The following IL7 variants were observed in gnomAD, a reference collection of about 807,000 sequenced individuals.
IL7 encodes interleukin 7.
Under a neutral mutation model 21.6 loss-of-function variants are expected in IL7, and 3 were observed. That is an observed-to-expected ratio of 0.14 (90% CI 0.06 to 0.36). IL7 has a LOEUF of 0.36. IL7 is among the 10% of genes least tolerant of loss of function. The pLI is 1.00. For synonymous variants in IL7, 62 were observed against 68.1 expected (o/e 0.91, Z 0.44); for missense variants, 175 against 200.2 (o/e 0.87, Z 0.76).
chr8:78,727,924 T>C (rs188893878), downstream of IL7, among the ~76,000 whole-genome samples: 365 of 151,994 alleles, frequency 2.4e-3, 2 homozygotes, highest in African/African-American at 8.2e-3. Flanking sequence ...TAATCCTATA[T>C]CCATAGGATA....
chr8:78,755,125 A>T (rs1335595183), intron 2 of IL7, among the ~76,000 whole-genome samples: 2 of 152,054 alleles, frequency 1.3e-5, no homozygotes, highest in African/African-American at 2.4e-5. Context: ...TATTTGCCAA[A>T]AATAAGTTGG....
intron 5 of IL7, among the ~76,000 whole-genome samples, chr8:78,734,044 A>T (rs986845011): frequency 6.6e-6 from 1 of 152,158 alleles, no homozygotes; most frequent in African/African-American, 2.4e-5. Context: ...AAGACTTAGG[A>T]TTCTCCAAAG....
chr8:78,712,135 T>C lies in IL7; in HGVS notation n.214+9213A>G, dbSNP rs1344069379. 1.8e-5 allele frequency: 22 copies of C among 1,221,424 alleles called. No homozygotes were observed. In the East Asian group the frequency reaches 1.2e-3, roughly 66 times the overall value. The allele number at this position is 1,221,424 out of a possible 1,614,324, so 75.7% of individuals were successfully genotyped here. On this transcript the variant is annotated intron_variant and non_coding_transcript_variant, in intron 3 of 4. Transcript: ENST00000523959. ...AGTATTTGTAACTCAGTTTGGTTAA[T>C]ATTTTTCAGATATTTCCTTAAAAGC...
At chr8:78,700,620 A>C (rs1586016125) in intron 3 of IL7, among the ~76,000 whole-genome samples, 1 of 152,128 alleles carries the variant, frequency 6.6e-6, no homozygotes. Context: ...GTTGTCTTCC[A>C]GGGTTTTTAT....
rs140046279 is a variant in IL7 at position 78,775,981 on chromosome 8, C to T, written c.147+22091G>A. Reference sequence around the variant, plus strand: ...CTTGGAGGATACTTTCCAAGGCCACCAGTGGATGCCTGAGACCATACATGG... The same window carrying T: ...CTTGGAGGATACTTTCCAAGGCCACTAGTGGATGCCTGAGACCATACATGG... On this transcript the variant is annotated intron_variant, in intron 2 of 5. Transcript: ENST00000263851. Among the ~76,000 whole-genome samples, 11 of 152,138 alleles carry T rather than the reference C, an allele frequency of 7.2e-5. No homozygotes were observed. In the East Asian group the frequency reaches 2.1e-3, roughly 29 times the overall value.
chr8:78,745,283 G>A (rs1165441799), intron 2 of IL7, among the ~76,000 whole-genome samples: 1 of 151,994 alleles, frequency 6.6e-6, no homozygotes, highest in Non-Finnish European at 1.5e-5. Context: ...ATCTTCTATT[G>A]AACTTTTTCT....
chr8:78,775,403 C>A (rs1019260349), intron 2 of IL7, among the ~76,000 whole-genome samples: 7 of 152,084 alleles, frequency 4.6e-5, no homozygotes, highest in Non-Finnish European at 7.4e-5. Flanking sequence ...GGCATTCATT[C>A]TTTGGTTCTC....
rs1811473948 is a variant in IL7, at chr8:78,733,387, T to C, written c.*326A>G. On this transcript the variant is annotated 3_prime_UTR_variant, in exon 6 of 6. Transcript: ENST00000263851. Reference sequence around the variant, plus strand: ...CATTATATACTTCATAGATTTAATGTCTTGAAATATTTAAACAGGTTTGAG... The same window carrying C: ...CATTATATACTTCATAGATTTAATGCCTTGAAATATTTAAACAGGTTTGAG... 1 of 201,592 alleles carries C rather than the reference T, an allele frequency of 5.0e-6. No homozygotes were observed. Among genetic ancestry groups the C allele is most frequent in the African/African-American group, 2.4e-5 (1 of 42,128 alleles). 12.5% of individuals were successfully genotyped at this position (201,592 alleles called of 1,614,324 possible).
chr8:78,700,951 C>T (rs1810582590), intron 3 of IL7, among the ~76,000 whole-genome samples: 1 of 152,126 alleles, frequency 6.6e-6, no homozygotes, highest in Non-Finnish European at 1.5e-5. Context: ...GTTCTTTTTG[C>T]TTAGAATTAC....
At chr8:78,709,117 C>T (rs1321497075) in intron 3 of IL7, among the ~76,000 whole-genome samples, 1 of 152,104 alleles carries the variant, frequency 6.6e-6, no homozygotes, top group East Asian at 1.9e-4. Flanking sequence ...TAATAATTTT[C>T]AATAGTGAAA....
intron 2 of IL7, among the ~76,000 whole-genome samples, chr8:78,778,646 C>T (rs1813212140): frequency 6.6e-6 from 1 of 151,902 alleles, no homozygotes; most frequent in South Asian, 2.1e-4. Flanking sequence ...TTGCTGTAGC[C>T]TTGTAGAATG....
intron 2 of IL7, among the ~76,000 whole-genome samples, chr8:78,740,590 C>CTGTTTTACACTCTT (rs1232452758): frequency 2.6e-5 from 4 of 152,190 alleles, no homozygotes; most frequent in Non-Finnish European, 4.4e-5. Context: ...TATCAGTTGT[C>CTGTTTTACACTCTT]TGTTTTACAC....
intron 2 of IL7, among the ~76,000 whole-genome samples, chr8:78,782,070 A>G (rs1813351019): frequency 6.6e-6 from 1 of 152,158 alleles, no homozygotes; most frequent in Non-Finnish European, 1.5e-5. Flanking sequence ...CCATCAGGTC[A>G]TTTATGTTTC....
intron 2 of IL7, among the ~76,000 whole-genome samples, chr8:78,773,297 C>G (rs965032076): frequency 2.6e-5 from 4 of 152,082 alleles, no homozygotes; most frequent in African/African-American, 7.2e-5. Flanking sequence ...AGAAAACCCA[C>G]ACAGACACGG....
intron 5 of IL7, among the ~76,000 whole-genome samples, chr8:78,734,820 A>G (rs960240406): frequency 1.3e-4 from 20 of 152,262 alleles, no homozygotes; most frequent in African/African-American, 4.6e-4. Flanking sequence ...TATGAACTTG[A>G]TGATTTGAAC....
chr8:78,742,629 A>G (rs2130701516), intron 2 of IL7, among the ~76,000 whole-genome samples: 1 of 152,280 alleles, frequency 6.6e-6, no homozygotes, highest in East Asian at 1.9e-4. Context: ...TCTGAATTTG[A>G]CTATATTTTA....
chr8:78,738,441 T>G (rs762241608), intron 4 of IL7, 63 bp downstream of exon 4: 2 of 1,334,968 alleles, frequency 1.5e-6, no homozygotes, highest in Non-Finnish European at 2.1e-6. Context: ...CATCAGAGAA[T>G]AGTGGTATCT....
chr8:78,731,791 A>G (rs763947336), downstream of IL7, among the ~76,000 whole-genome samples: 1 of 152,060 alleles, frequency 6.6e-6, no homozygotes, highest in Non-Finnish European at 1.5e-5. Flanking sequence ...CACACAGTAC[A>G]AGCTGAGTAC....
chr8:78,729,689 A>G (rs551840078), downstream of IL7, among the ~76,000 whole-genome samples: 1 of 152,092 alleles, frequency 6.6e-6, no homozygotes, highest in South Asian at 2.1e-4. Flanking sequence ...CTTTTACCTC[A>G]CATGATTGGA....
Sources: gnomAD v4.1 joint callset for allele counts (sites outside exome capture counted in the v4.1 genomes callset) on GRCh38, gnomAD v4.1.1 for gene constraint, MANE v1.5 for transcripts, NCBI Gene and HGNC (gene_info 2026-07-23, HGNC 2026-07-21) for gene names.